Variants in R3HCC1L observed in about 807,000 individuals in gnomAD.
The protein encoded by R3HCC1L is coiled-coil domain-containing protein R3HCC1L.
A neutral mutation model predicts 59.9 loss-of-function variants in R3HCC1L; 51 were observed. The ratio of observed to expected loss-of-function variants is 0.85; its 90% CI spans 0.68 to 1.07. R3HCC1L has a LOEUF of 1.07. Ranked by LOEUF, R3HCC1L falls within the 50% of genes least tolerant of loss-of-function variation. R3HCC1L has a pLI of 0.00. For missense variants in R3HCC1L, 965 were observed against 933.0 expected (o/e 1.03, Z -0.45); for synonymous variants, 322 against 315.2 (o/e 1.02, Z -0.23).
intron 1 of R3HCC1L, among the ~76,000 whole-genome samples, chr10:98,137,217 A>T (rs1844689691): frequency 6.6e-6 from 1 of 152,206 alleles, no homozygotes; most frequent in African/African-American, 2.4e-5. Flanking sequence ...TCTCAAAAAA[A>T]AAAAAGTTTG....
chr10:98,186,992 A>T (rs1245759293), intron 4 of R3HCC1L, among the ~76,000 whole-genome samples: 9 of 152,068 alleles, frequency 5.9e-5, no homozygotes, highest in Non-Finnish European at 1.5e-5. Flanking sequence ...TTGTCTGTAA[A>T]ATGGTGATAA....
At chr10:98,179,469 A>G (rs1256495653) in intron 4 of R3HCC1L, among the ~76,000 whole-genome samples, 1 of 151,898 alleles carries the variant, frequency 6.6e-6, no homozygotes, top group Non-Finnish European at 1.5e-5. Context: ...GTTTGCCGGG[A>G]TTTTACTTAG....
chr10:98,144,051 C>A, intron 1 of R3HCC1L, among the ~76,000 whole-genome samples: 1 of 152,092 alleles, frequency 6.6e-6, no homozygotes, highest in Non-Finnish European at 1.5e-5. Context: ...GCTCAGTAAT[C>A]CCAGCATTTT....
chr10:98,165,191 C>G (rs900268177), intron 4 of R3HCC1L, among the ~76,000 whole-genome samples: 2 of 152,158 alleles, frequency 1.3e-5, no homozygotes, highest in Non-Finnish European at 2.9e-5. Context: ...TTGAGCCAGG[C>G]AGGCGGATGT....
intron 5 of R3HCC1L, among the ~76,000 whole-genome samples, chr10:98,219,243 G>C (rs372407606): frequency 6.6e-6 from 1 of 152,056 alleles, no homozygotes; most frequent in Non-Finnish European, 1.5e-5. Flanking sequence ...CTTAAAGTCT[G>C]TTTTATCTTA....
At chr10:98,231,776 A>C (rs905870509) in intron 6 of R3HCC1L, 89 bp downstream of exon 6, 18 of 1,325,554 alleles carry the variant, frequency 1.4e-5, no homozygotes, top group Non-Finnish European at 1.2e-5. Flanking sequence ...TGTTTTTTAT[A>C]TCCCGTTTTT....
intron 9 of R3HCC1L, among the ~76,000 whole-genome samples, chr10:98,239,190 A>G (rs1857268088): frequency 6.6e-6 from 1 of 152,226 alleles, no homozygotes; most frequent in East Asian, 1.9e-4. Flanking sequence ...TTACAAATTC[A>G]GGATATGATT....
intron 4 of R3HCC1L, among the ~76,000 whole-genome samples, chr10:98,176,123 A>G (rs1402523338): frequency 1.3e-5 from 2 of 152,132 alleles, no homozygotes; most frequent in African/African-American, 2.4e-5. Flanking sequence ...ACTGCGTTTC[A>G]TACATCTAAA....
chr10:98,220,047 A>C (rs1340831386), intron 5 of R3HCC1L, among the ~76,000 whole-genome samples: 12 of 152,024 alleles, frequency 7.9e-5, no homozygotes, highest in Non-Finnish European at 1.6e-4. Flanking sequence ...CCCTCATTTC[A>C]TGTAGGCTTT....
chr10:98,146,319 C>G (rs1343475232), intron 1 of R3HCC1L, among the ~76,000 whole-genome samples: 1 of 152,134 alleles, frequency 6.6e-6, no homozygotes, highest in African/African-American at 2.4e-5. Flanking sequence ...TCACCTTACA[C>G]AGTTGTCTTT....
intron 5 of R3HCC1L, among the ~76,000 whole-genome samples, chr10:98,216,946 A>G (rs1854280503): frequency 6.6e-6 from 1 of 152,164 alleles, no homozygotes; most frequent in Admixed American, 6.5e-5. Flanking sequence ...CATTTTATTC[A>G]TTCTATAAAT....
At chr10:98,216,821 C>T (rs1048645584) in intron 5 of R3HCC1L, among the ~76,000 whole-genome samples, 3 of 152,068 alleles carry the variant, frequency 2.0e-5, no homozygotes, top group Non-Finnish European at 2.9e-5. Context: ...CTCAAGTGAT[C>T]GTCTCACCTC....
chr10:98,170,073 T>C (rs1247450382), intron 4 of R3HCC1L, among the ~76,000 whole-genome samples: 1 of 152,108 alleles, frequency 6.6e-6, no homozygotes, highest in Non-Finnish European at 1.5e-5. Context: ...GGATAATATA[T>C]TTGGATTTGA....
At chr10:98,165,536 T>C (rs573837267) in intron 4 of R3HCC1L, among the ~76,000 whole-genome samples, 1 of 152,378 alleles carries the variant, frequency 6.6e-6, no homozygotes, top group African/African-American at 2.4e-5. Flanking sequence ...ATTGATTTGA[T>C]ACGTATGCTA....
intron 4 of R3HCC1L, among the ~76,000 whole-genome samples, chr10:98,170,785 C>T (rs1220194806): frequency 6.6e-6 from 1 of 152,186 alleles, no homozygotes; most frequent in Non-Finnish European, 1.5e-5. Context: ...GACACATTGA[C>T]CCTCTGTTCA....
intron 5 of R3HCC1L, among the ~76,000 whole-genome samples, chr10:98,217,775 TG>T (rs1325269429): frequency 6.6e-6 from 1 of 152,174 alleles, no homozygotes; most frequent in Non-Finnish European, 1.5e-5. Flanking sequence ...TTTCATTTTT[TG>T]TTTTTATTAT....
chr10:98,217,059 A>T (rs1206186716), intron 5 of R3HCC1L, among the ~76,000 whole-genome samples: 1 of 152,232 alleles, frequency 6.6e-6, no homozygotes, highest in Non-Finnish European at 1.5e-5. Context: ...AAATGTTGGT[A>T]AGGAAATTGA....
At chr10:98,174,728 G>A (rs1018546285) in intron 4 of R3HCC1L, 2 of 984,236 alleles carry the variant, frequency 2.0e-6, no homozygotes, top group Non-Finnish European at 2.4e-6. Context: ...TATTGAAATT[G>A]TAGATTGACA....
intron 4 of R3HCC1L, among the ~76,000 whole-genome samples, chr10:98,170,976 C>A (rs1047505225): frequency 1.3e-5 from 2 of 152,198 alleles, no homozygotes; most frequent in African/African-American, 4.8e-5. Flanking sequence ...TTTCAGATGA[C>A]CTATGGGCAA....
Sources: gnomAD v4.1 joint callset for allele counts (sites outside exome capture counted in the v4.1 genomes callset) on GRCh38, gnomAD v4.1.1 for gene constraint, MANE v1.5 for transcripts, NCBI Gene and HGNC (gene_info 2026-07-23, HGNC 2026-07-21) for gene names.